Variants in BEST3 observed in about 807,000 individuals in gnomAD.
The protein encoded by BEST3 is bestrophin 3, also known as bestrophin-3.
BEST3 carries 50 observed loss-of-function variants against 47.1 expected under a neutral mutation model. That is an observed-to-expected ratio of 1.06 (90% CI 0.85 to 1.34). The LOEUF (loss-of-function observed/expected upper bound fraction) is 1.34, where lower values mean the gene tolerates loss of function less well. Among genes scored for constraint, BEST3 ranks in the 40% most tolerant of loss-of-function variants. BEST3 has a pLI of 0.00. For synonymous variants in BEST3, 282 were observed against 298.8 expected (o/e 0.94, Z 0.58); for missense variants, 765 against 817.0 (o/e 0.94, Z 0.78).
chr12:69,695,882 G>T (rs1427886505), intron 2 of BEST3, among the ~76,000 whole-genome samples: 1 of 152,162 alleles, frequency 6.6e-6, no homozygotes, highest in South Asian at 2.1e-4. Flanking sequence ...CATATTAATA[G>T]TTGGCCAAAG....
chr12:69,698,370 T>C (rs1886211580), intron 1 of BEST3, among the ~76,000 whole-genome samples: 1 of 152,224 alleles, frequency 6.6e-6, no homozygotes, highest in Non-Finnish European at 1.5e-5. Flanking sequence ...CAACTCTTTC[T>C]ACTTGAGTCC....
At chr12:69,648,460 G>C (rs963339853) in intron 9 of BEST3, among the ~76,000 whole-genome samples, 9 of 152,184 alleles carry the variant, frequency 5.9e-5, no homozygotes, top group African/African-American at 1.9e-4. Context: ...CAAGCAAAGG[G>C]CTTCATGTTA....
intron 9 of BEST3, chr12:69,670,549 G>A: frequency 1.4e-6 from 1 of 702,858 alleles, no homozygotes; most frequent in East Asian, 2.7e-5. Flanking sequence ...GAGACATTCG[G>A]CAAAGGGAAC....
chr12:69,647,546 C>T (rs1883077309), intron 9 of BEST3, among the ~76,000 whole-genome samples: 2 of 151,830 alleles, frequency 1.3e-5, no homozygotes, highest in African/African-American at 4.8e-5. Flanking sequence ...ATCTAATTTG[C>T]AAAAAATATG....
chr12:69,674,892 CTTTTT>C (rs35297025), intron 7 of BEST3, among the ~76,000 whole-genome samples: 1 of 109,400 alleles, frequency 9.1e-6, no homozygotes. Flanking sequence ...TTAGGTTTGC[CTTTTT>C]TTTTTTTTTT....
intron 4 of BEST3, 91 bp downstream of exon 4, chr12:69,693,583 G>A: frequency 9.0e-7 from 1 of 1,108,380 alleles, no homozygotes; most frequent in Non-Finnish European, 1.3e-6. Flanking sequence ...TTTCTTGAGT[G>A]AATAAACAAA....
intron 4 of BEST3, among the ~76,000 whole-genome samples, chr12:69,680,785 T>C (rs1755981579): frequency 6.6e-6 from 1 of 152,172 alleles, no homozygotes; most frequent in African/African-American, 2.4e-5. Context: ...TGGATTTTCA[T>C]ACAGGCCTAT....
intron 9 of BEST3, among the ~76,000 whole-genome samples, chr12:69,648,603 G>A (rs1477419693): frequency 1.3e-5 from 2 of 152,166 alleles, no homozygotes; most frequent in African/African-American, 2.4e-5. Context: ...AGATCCATTA[G>A]GGAGGATGGG....
intron 1 of BEST3, among the ~76,000 whole-genome samples, chr12:69,698,628 G>C (rs1251515192): frequency 1.3e-5 from 2 of 152,180 alleles, no homozygotes; most frequent in African/African-American, 4.8e-5. Flanking sequence ...GAGCTACTTA[G>C]ACTGAAATCA....
At chr12:69,670,831 CT>C (rs1166173028) in intron 9 of BEST3, among the ~76,000 whole-genome samples, 14 of 152,166 alleles carry the variant, frequency 9.2e-5, no homozygotes, top group Admixed American at 2.0e-4. Flanking sequence ...TTAGTCTGTG[CT>C]TTTCTCTTTA....
intron 4 of BEST3, 22 bp from the exon 5 acceptor site, chr12:69,678,915 G>A (rs1322425299): frequency 2.5e-6 from 4 of 1,597,926 alleles, no homozygotes; most frequent in Admixed American, 1.7e-5. Context: ...AATAAAAATC[G>A]GTAGGTATAC....
In BEST3 at chr12:69,655,828, G is replaced by A; in HGVS notation, c.1101-15C>T. 6.3e-7 allele frequency: 1 copy of A among 1,592,668 alleles called. No homozygotes were observed. ...ACCCAGACAGCCTGAAACACACAAT[G>A]ACAAGATCCAGGCAGAGTAGCTTCG... is the stretch of plus-strand genomic sequence containing the variant. On this transcript the variant is annotated splice_polypyrimidine_tract_variant and intron_variant, in intron 9 of 9. Coordinates refer to ENST00000330891, the MANE Select transcript of BEST3 (RefSeq NM_032735.3).
intron 2 of BEST3, among the ~76,000 whole-genome samples, chr12:69,695,809 T>C (rs1482980754): frequency 6.6e-6 from 1 of 152,168 alleles, no homozygotes; most frequent in Non-Finnish European, 1.5e-5. Context: ...TTAAATAATA[T>C]ATGTATACAT....
intron 5 of BEST3, 94 bp from the exon 6 acceptor site, chr12:69,677,351 G>T: frequency 8.9e-7 from 1 of 1,125,076 alleles, no homozygotes; most frequent in Non-Finnish European, 1.3e-6. Flanking sequence ...GTCTTTTACA[G>T]GACTGACTGT....
chr12:69,663,780 C>T (rs2135937707), intron 9 of BEST3, among the ~76,000 whole-genome samples: 1 of 152,278 alleles, frequency 6.6e-6, no homozygotes, highest in East Asian at 1.9e-4. Flanking sequence ...GTGATTGCAC[C>T]ACTGTACACT....
chr12:69,666,018 T>G (rs1884190491), intron 9 of BEST3, among the ~76,000 whole-genome samples: 1 of 152,152 alleles, frequency 6.6e-6, no homozygotes, highest in South Asian at 2.1e-4. Flanking sequence ...TTGGAACTGC[T>G]TAAACTTCTT....
At chr12:69,657,817 G>A (rs912721585) in intron 9 of BEST3, among the ~76,000 whole-genome samples, 1 of 152,202 alleles carries the variant, frequency 6.6e-6, no homozygotes, top group Admixed American at 6.5e-5. Context: ...TGAATGTCCT[G>A]GGACGGCGTT....
At chr12:69,698,254 T>C (rs1203734135) in intron 1 of BEST3, among the ~76,000 whole-genome samples, 1 of 152,210 alleles carries the variant, frequency 6.6e-6, no homozygotes, top group Non-Finnish European at 1.5e-5. Flanking sequence ...AGTTGGGTCA[T>C]AGTGATAAAT....
At chr12:69,660,561 A>G (rs1028847431) in intron 9 of BEST3, 4 of 152,172 alleles carry the variant, frequency 2.6e-5, no homozygotes, top group African/African-American at 9.6e-5. Context: ...GTGGAGACAG[A>G]CTGCCCTGAC....
Sources: allele counts gnomAD v4.1 joint callset (sites outside exome capture counted in the v4.1 genomes callset), GRCh38; gene constraint gnomAD v4.1.1; transcripts MANE v1.5; gene names NCBI Gene and HGNC (gene_info 2026-07-23, HGNC 2026-07-21).